The following TSC22D1 variants were observed in gnomAD, a reference collection of about 807,000 sequenced individuals.
TSC22D1 encodes TSC22 domain family member 1.
Under a neutral mutation model 74.2 loss-of-function variants are expected in TSC22D1, and 9 were observed. The ratio of observed to expected loss-of-function variants is 0.12; its 90% confidence interval spans 0.07 to 0.21. The LOEUF is 0.21. Among genes scored for constraint, TSC22D1 ranks in the 10% least tolerant of loss-of-function variants. The pLI, the probability that TSC22D1 is intolerant of heterozygous loss-of-function variation, is 1.00. For missense variants in TSC22D1, 1,427 were observed against 1,304.7 expected (o/e 1.09, Z -1.44); for synonymous variants, 586 against 492.5 (o/e 1.19, Z -2.51).
chr13:44,445,826 C>T (rs771311398), intron 1 of TSC22D1, among the ~76,000 whole-genome samples: 1 of 152,030 alleles, frequency 6.6e-6, no homozygotes, highest in Non-Finnish European at 1.5e-5. Flanking sequence ...AATGATATAC[C>T]ACTACACACC....
intron 1 of TSC22D1, among the ~76,000 whole-genome samples, chr13:44,472,741 T>G (rs778829833): frequency 3.3e-5 from 5 of 152,006 alleles, no homozygotes; most frequent in Non-Finnish European, 5.9e-5. Flanking sequence ...GCCTGGGAGG[T>G]TGAGACTGCA....
At chr13:44,491,117 A>G (rs1397831862) in intron 1 of TSC22D1, among the ~76,000 whole-genome samples, 1 of 152,122 alleles carries the variant, frequency 6.6e-6, no homozygotes, top group Non-Finnish European at 1.5e-5. Flanking sequence ...CAGTGAGCCA[A>G]GATGGTGCCA....
intron 1 of TSC22D1, among the ~76,000 whole-genome samples, chr13:44,495,273 G>T (rs990518090): frequency 6.7e-6 from 1 of 149,104 alleles, no homozygotes; most frequent in African/African-American, 2.5e-5. Flanking sequence ...AAGCAGCAGG[G>T]TGACATATTT....
chr13:44,570,742 A>G (rs1293207376), intron 1 of TSC22D1, among the ~76,000 whole-genome samples: 1 of 152,192 alleles, frequency 6.6e-6, no homozygotes, highest in Non-Finnish European at 1.5e-5. Flanking sequence ...GAAATTATAT[A>G]TGTATTCCCT....
At chr13:44,560,588 C>T (rs944044586) in intron 1 of TSC22D1, among the ~76,000 whole-genome samples, 1 of 152,016 alleles carries the variant, frequency 6.6e-6, no homozygotes, top group Non-Finnish European at 1.5e-5. Flanking sequence ...AGAGAATAAC[C>T]TTGCTGCCCT....
At chr13:44,504,821 CT>C (rs1464338606) in intron 1 of TSC22D1, among the ~76,000 whole-genome samples, 1 of 152,160 alleles carries the variant, frequency 6.6e-6, no homozygotes, top group Non-Finnish European at 1.5e-5. Flanking sequence ...CTGGACATCT[CT>C]TATTTAATTC....
chr13:44,446,177 A>C (rs1212100848), intron 1 of TSC22D1, among the ~76,000 whole-genome samples: 1 of 152,244 alleles, frequency 6.6e-6, no homozygotes, highest in Non-Finnish European at 1.5e-5. Context: ...AATACTCAGC[A>C]ATACAAAGAA....
At chr13:44,536,915 A>G (rs1389505245) in intron 1 of TSC22D1, 1 of 734,516 alleles carries the variant, frequency 1.4e-6, no homozygotes, top group Non-Finnish European at 1.7e-6. Context: ...AGTTCAAAAA[A>G]GTATTTTTCT....
intron 1 of TSC22D1, among the ~76,000 whole-genome samples, chr13:44,546,406 TAAG>T (rs1214340280): frequency 6.6e-6 from 1 of 152,136 alleles, no homozygotes; most frequent in East Asian, 1.9e-4. Context: ...TATCTACTAA[TAAG>T]AATATACCAT....
In TSC22D1 at chr13:44,541,329, G is replaced by A. The variant is rs144944998; in HGVS notation, c.2912+31834C>T. Among the ~76,000 whole-genome samples, 149 of 152,256 alleles carry A rather than the reference G, an allele frequency of 9.8e-4. 2 individuals are homozygous for A. In the East Asian group the frequency reaches 0.025, roughly 25 times the overall value. ...TTAAAAGCTTAAAGATGAAAAGAAT[G>A]AGCTAACCCTTCTGCACAGGGACAT... On this transcript the variant is annotated intron_variant, in intron 1 of 2. Coordinates refer to ENST00000458659, the MANE Select transcript of TSC22D1 (RefSeq NM_183422.4).
intron 1 of TSC22D1, among the ~76,000 whole-genome samples, chr13:44,455,086 G>A (rs993671639): frequency 1.3e-5 from 2 of 152,090 alleles, no homozygotes; most frequent in Non-Finnish European, 2.9e-5. Context: ...AGACAAATAA[G>A]TACATATACA....
intron 1 of TSC22D1, among the ~76,000 whole-genome samples, chr13:44,495,252 T>A (rs958928727): frequency 6.7e-6 from 1 of 148,994 alleles, no homozygotes; most frequent in Non-Finnish European, 1.5e-5. Flanking sequence ...AGAAACTGTA[T>A]GTAAGCCAGA....
chr13:44,491,509 G>A (rs1351129412), intron 1 of TSC22D1, among the ~76,000 whole-genome samples: 28 of 148,816 alleles, frequency 1.9e-4, no homozygotes, highest in Non-Finnish European at 3.4e-4. Flanking sequence ...AGCCGAGATC[G>A]CGCCACTGCA....
chr13:44,493,582 G>A (rs1330418634), intron 1 of TSC22D1, among the ~76,000 whole-genome samples: 1 of 152,086 alleles, frequency 6.6e-6, no homozygotes, highest in African/African-American at 2.4e-5. Flanking sequence ...ATGTGTTACT[G>A]GGGAATTTAG....
intron 1 of TSC22D1, among the ~76,000 whole-genome samples, chr13:44,457,467 T>C (rs996287078): frequency 1.3e-5 from 2 of 151,946 alleles, no homozygotes; most frequent in African/African-American, 4.8e-5. Flanking sequence ...ACATGTGGTA[T>C]CTCCCAAGCA....
intron 1 of TSC22D1, among the ~76,000 whole-genome samples, chr13:44,465,979 AAAACAAAC>A (rs3046029): frequency 3.3e-5 from 5 of 151,286 alleles, no homozygotes; most frequent in Admixed American, 2.0e-4. Flanking sequence ...GCCTCAAGAA[AAAACAAAC>A]AAACAAACAA....
intron 1 of TSC22D1, among the ~76,000 whole-genome samples, chr13:44,506,572 C>T (rs1009013213): frequency 1.1e-4 from 16 of 152,130 alleles, no homozygotes; most frequent in African/African-American, 3.6e-4. Flanking sequence ...ATCACCATGG[C>T]ACATGTTTAC....
intron 1 of TSC22D1, among the ~76,000 whole-genome samples, chr13:44,449,214 C>G (rs1875928465): frequency 6.6e-6 from 1 of 152,168 alleles, no homozygotes; most frequent in African/African-American, 2.4e-5. Context: ...AGTCCCAGTG[C>G]CAGTGAGGTC....
At chr13:44,547,690 A>G (rs892713874) in intron 1 of TSC22D1, among the ~76,000 whole-genome samples, 1 of 152,154 alleles carries the variant, frequency 6.6e-6, no homozygotes, top group South Asian at 2.1e-4. Context: ...TAATACCTTC[A>G]CTTACAAAGT....
Sources: gnomAD v4.1 joint callset for allele counts (sites outside exome capture counted in the v4.1 genomes callset) on GRCh38, gnomAD v4.1.1 for gene constraint, MANE v1.5 for transcripts, NCBI Gene and HGNC (gene_info 2026-07-23, HGNC 2026-07-21) for gene names.